The following BUB3 variants were observed in gnomAD, a reference collection of about 807,000 sequenced individuals.
BUB3 encodes mitotic checkpoint protein BUB3.
A neutral mutation model predicts 39.9 loss-of-function variants in BUB3; 22 were observed. That is an observed-to-expected ratio of 0.55 (90% CI 0.39 to 0.79). The LOEUF (loss-of-function observed/expected upper bound fraction) is 0.79. Among genes scored for constraint, BUB3 ranks in the 30% least tolerant of loss-of-function variants. The pLI is 0.00. For synonymous variants in BUB3, 168 were observed against 155.1 expected (o/e 1.08, Z -0.62); for missense variants, 303 against 415.4 (o/e 0.73, Z 2.35).
intron 5 of BUB3, among the ~76,000 whole-genome samples, chr10:123,161,401 C>G (rs6599657): frequency 6.6e-6 from 1 of 151,648 alleles, no homozygotes; most frequent in Non-Finnish European, 1.5e-5. Context: ...AAGTTTCCAT[C>G]GAAGATAAAG....
In BUB3 at chr10:123,155,035, C is replaced by G. The variant is rs1307593206; in HGVS notation, c.118C>G (p.Arg40Gly). 7 of 1,614,084 alleles carry G rather than the reference C, an allele frequency of 4.3e-6. No individual in the cohort carries two copies. Among genetic ancestry groups the G allele is most frequent in the Non-Finnish European group, 5.9e-6 (7 of 1,180,056 alleles). The change falls in exon 2 of 8, where the codon CGT becomes GGT. Residue 40 changes from arginine to glycine, a missense_variant. Around this residue, in one of 2 missense-constraint regions of BUB3, gnomAD observed 121 missense variants for 122.3 expected, o/e 0.99. Transcript: ENST00000368865. ...LLVSSWDTSV[R>G]LYDVPANSMR... is the part of the protein sequence containing the mutation. The stretch of plus-strand genomic sequence containing the variant: ...TGTCTCCTCCTGGGACACGTCCGTG[C>G]GTCTCTACGATGTGCCGGCCAACTC...
rs3816136 is a variant in BUB3 at position 123,155,608 on chromosome 10, A to G, written c.196-50A>G. On this transcript the variant is annotated intron_variant, in intron 2 of 7. Transcript: ENST00000368865. ...CTTGCTTGTAGAAATAAGAATGTTGAAACCCTTTCAAAAGTTCTAGTTTTT... is the reference window on the plus strand; with the variant it reads ...CTTGCTTGTAGAAATAAGAATGTTGGAACCCTTTCAAAAGTTCTAGTTTTT... The G allele has an allele frequency of 4.1e-3, 6,285 of 1,521,390 alleles. 236 individuals are homozygous for G. In the Admixed American group the frequency reaches 0.065, roughly 16 times the overall value. 94.2% of individuals were successfully genotyped at this position (1,521,390 alleles called of 1,614,324 possible). A position where few individuals can be genotyped will look rare whatever the true frequency, so the allele number is the denominator to read the frequency against.
At chr10:123,163,778 A>C in intron 7 of BUB3, 42 bp from the exon 8 acceptor site, 1 of 1,567,168 alleles carries the variant, frequency 6.4e-7, no homozygotes, top group Non-Finnish European at 8.8e-7. Context: ...CTGGCTGGCC[A>C]TTTTGATCTC....
rs1217496348 is a variant in BUB3, at chr10:123,168,495, C to T, written c.*4660C>T. 6.6e-6 allele frequency: 1 copy of T among 152,112 alleles called. No individual in the cohort carries two copies. The allele number at this position is 152,112 out of a possible 1,614,324, so 9.4% of individuals were successfully genotyped here. ...ATGGGCCACATGCTGCCCAGGATGGCTTTGAAGGTGGCCCAAAACAAATTC... is the reference window on the plus strand; with the variant it reads ...ATGGGCCACATGCTGCCCAGGATGGTTTTGAAGGTGGCCCAAAACAAATTC... On this transcript the variant is annotated 3_prime_UTR_variant, in exon 8 of 8. Transcript: ENST00000368865.
chr10:123,167,787 G>A lies in BUB3; in HGVS notation c.*3952G>A, dbSNP rs1219748548. 1 of 152,026 alleles carries A rather than the reference G, an allele frequency of 6.6e-6. No individual in the cohort carries two copies. The highest frequency in any genetic ancestry group is 1.5e-5 in the Non-Finnish European group (1 of 68,018). 9.4% of individuals were successfully genotyped at this position (152,026 alleles called of 1,614,324 possible). ...AAAAATTTCTTTATAGCTTCATGGAGGTATTTGATGAAAATTGTATATATT... is the reference window on the plus strand; with the variant it reads ...AAAAATTTCTTTATAGCTTCATGGAAGTATTTGATGAAAATTGTATATATT... On this transcript the variant is annotated 3_prime_UTR_variant, in exon 8 of 8. Coordinates refer to ENST00000368865, the MANE Select transcript of BUB3 (RefSeq NM_004725.4).
In BUB3 at chr10:123,166,130, C is replaced by T. The variant is rs1405691212; in HGVS notation, c.*2295C>T. The T allele has an allele frequency of 6.6e-6, 1 of 152,160 alleles. No individual in the cohort carries two copies. Among genetic ancestry groups the T allele is most frequent in the African/African-American group, 2.4e-5 (1 of 41,424 alleles). The allele number at this position is 152,160 out of a possible 1,614,324, so 9.4% of individuals were successfully genotyped here. ...ACAATTTACTTGTTTATGGTTATAG[C>T]TACCTTTTCCCCAAGTTACCCAGGT... On this transcript the variant is annotated 3_prime_UTR_variant, in exon 8 of 8. Transcript: ENST00000368865.
At position 123,165,044 on chromosome 10, in the gene BUB3, C is replaced by T. The variant is rs765391664; in HGVS notation, c.*1209C>T. 5.6e-6 allele frequency: 9 copies of T among 1,612,180 alleles called. No homozygotes were observed. The Admixed American group carries it at 1.2e-4, about 21-fold the overall frequency. Reference sequence around the variant, plus strand: ...CTTTTGAAATGTATTTTCTTCATTGCAGGTCCACCTAATCATCCTGTGAAA... The same window carrying T: ...CTTTTGAAATGTATTTTCTTCATTGTAGGTCCACCTAATCATCCTGTGAAA... On this transcript the variant is annotated 3_prime_UTR_variant, in exon 8 of 8. Coordinates refer to ENST00000368865, the MANE Select transcript of BUB3 (RefSeq NM_004725.4).
At position 123,163,890 on chromosome 10, in the gene BUB3, C is replaced by T; in HGVS notation, c.*55C>T. ...GATGATAATAAAACAATTCGTACTC[C>T]CCAATGGTGGATTTATTACTATTAA... On this transcript the variant is annotated 3_prime_UTR_variant, in exon 8 of 8. Coordinates refer to ENST00000368865, the MANE Select transcript of BUB3 (RefSeq NM_004725.4). 1 of 1,540,622 alleles carries T rather than the reference C, an allele frequency of 6.5e-7. No homozygotes were observed.
rs779183352 is a variant in BUB3, at chr10:123,170,332, G to A, written c.*6497G>A. The A allele has an allele frequency of 6.6e-6, 1 of 151,658 alleles. No homozygotes were observed. The highest frequency in any genetic ancestry group is 6.6e-5 in the Admixed American group (1 of 15,252). 9.4% of individuals were successfully genotyped at this position (151,658 alleles called of 1,614,324 possible). A position where few individuals can be genotyped will look rare whatever the true frequency, so the allele number is the denominator to read the frequency against. On this transcript the variant is annotated 3_prime_UTR_variant, in exon 8 of 8. Coordinates refer to ENST00000368865, the MANE Select transcript of BUB3 (RefSeq NM_004725.4). ...TCTTAAATGCCAGTATTTTTTTTCTGTTAAAATATTTATGAACTATTTCAA... is the reference window on the plus strand; with the variant it reads ...TCTTAAATGCCAGTATTTTTTTTCTATTAAAATATTTATGAACTATTTCAA...
chr10:123,157,677 A>C, intron 3 of BUB3, 52 bp from the exon 4 acceptor site: 1 of 1,490,676 alleles, frequency 6.7e-7, no homozygotes, highest in South Asian at 1.4e-5. Context: ...AATCTTTAGT[A>C]AAGGTAGTAA....
Position 123,164,165 on chromosome 10 carries a change from A to AAT in BUB3, c.*331_*332dup, listed in dbSNP as rs1844458767. 2 of 1,036,448 alleles carry AAT rather than the reference A, an allele frequency of 1.9e-6. No individual in the cohort carries two copies. The highest frequency in any genetic ancestry group is 3.4e-5 in the African/African-American group (2 of 59,064). The allele number at this position is 1,036,448 out of a possible 1,614,324, so 64.2% of individuals were successfully genotyped here. A position where few individuals can be genotyped will look rare whatever the true frequency, so the allele number is the denominator to read the frequency against. On this transcript the variant is annotated 3_prime_UTR_variant, in exon 8 of 8. Coordinates refer to ENST00000368865, the MANE Select transcript of BUB3 (RefSeq NM_004725.4). ...AATGTTTGTAAATAAGTGTAATAAA[A>AAT]ATCCCTTTGCATTCTTTCTGGACCT...
At position 123,164,926 on chromosome 10, in the gene BUB3, C is replaced by G. The variant is rs989112477; in HGVS notation, c.*1091C>G. The G allele has an allele frequency of 4.1e-6, 6 of 1,462,654 alleles. No homozygotes were observed. In the African/African-American group the frequency reaches 5.7e-5, roughly 14 times the overall value. 90.6% of individuals were successfully genotyped at this position (1,462,654 alleles called of 1,614,324 possible). A position where few individuals can be genotyped will look rare whatever the true frequency, so the allele number is the denominator to read the frequency against. On this transcript the variant is annotated 3_prime_UTR_variant, in exon 8 of 8. Coordinates refer to ENST00000368865, the MANE Select transcript of BUB3 (RefSeq NM_004725.4). ...GGACCTTTCCTGAGATTTATTTTAT[C>G]CGTGATGTATTTTTTTTAATTCTTT...
rs1002580552 is a variant in BUB3, at chr10:123,166,884, G to T, written c.*3049G>T. The T allele has an allele frequency of 7.2e-5, 11 of 152,302 alleles. No individual in the cohort carries two copies. Among genetic ancestry groups the T allele is most frequent in the African/African-American group, 2.6e-4 (11 of 41,550 alleles). The allele number at this position is 152,302 out of a possible 1,614,324, so 9.4% of individuals were successfully genotyped here. ...TGGGAGATCCAGGCCTTGTTAGAAGGACCAAGGCCAGAATGCCCAGTTTAG... is the reference window on the plus strand; with the variant it reads ...TGGGAGATCCAGGCCTTGTTAGAAGTACCAAGGCCAGAATGCCCAGTTTAG... On this transcript the variant is annotated 3_prime_UTR_variant, in exon 8 of 8. Transcript: ENST00000368865.
In BUB3 at chr10:123,155,053, G is replaced by A. The variant is rs868481483; in HGVS notation, c.136G>A (p.Ala46Thr). Residue 46 changes from alanine to threonine, a missense_variant, in exon 2 of 8, where the codon GCC becomes ACC. Physicochemically the swap from Ala to Thr is moderately conservative, Grantham distance 58 (BLOSUM62 0). Transcript: ENST00000368865. ...DTSVRLYDVP[A>T]NSMRLKYQHT... is the part of the protein sequence containing the mutation. The stretch of plus-strand genomic sequence containing the variant: ...GTCCGTGCGTCTCTACGATGTGCCG[G>A]CCAACTCCATGCGGCTCAAGTACCA... 1 of 1,614,144 alleles carries A rather than the reference G, an allele frequency of 6.2e-7. No individual in the cohort carries two copies. The highest frequency in any genetic ancestry group is 8.5e-7 in the Non-Finnish European group (1 of 1,180,024).
At chr10:123,161,687 A>G (rs1186848817) in intron 5 of BUB3, among the ~76,000 whole-genome samples, 11 of 152,236 alleles carry the variant, frequency 7.2e-5, no homozygotes, top group Admixed American at 2.0e-4. Flanking sequence ...TTTCAACGAA[A>G]GATGAAAAAA....
Position 123,164,716 on chromosome 10 carries a change from C to T in BUB3, c.*881C>T. ...AGTTCTTATGTCCATTTCAGTTGAC[C>T]AGCCGCTGGTGATTAAAGTTAAAAA... On this transcript the variant is annotated 3_prime_UTR_variant, in exon 8 of 8. Transcript: ENST00000368865. The T allele has an allele frequency of 1.9e-6, 2 of 1,058,116 alleles. No individual in the cohort carries two copies. Among genetic ancestry groups the T allele is most frequent in the Non-Finnish European group, 1.1e-6 (1 of 876,728 alleles). 65.5% of individuals were successfully genotyped at this position (1,058,116 alleles called of 1,614,324 possible). A position where few individuals can be genotyped will look rare whatever the true frequency, so the allele number is the denominator to read the frequency against.
At position 123,165,279 on chromosome 10, in the gene BUB3, G is replaced by T. The variant is rs768038353; in HGVS notation, c.*1444G>T. 6.1e-6 allele frequency: 3 copies of T among 491,252 alleles called. No individual in the cohort carries two copies. Among genetic ancestry groups the T allele is most frequent in the Non-Finnish European group, 1.1e-5 (3 of 278,178 alleles). 30.4% of individuals were successfully genotyped at this position (491,252 alleles called of 1,614,324 possible). Reference sequence around the variant, plus strand: ...CTTCTGTCCCCTAGTAAGCCCAGTTGCTGTATCTGAACAGTTTGAGCTCTT... The same window carrying T: ...CTTCTGTCCCCTAGTAAGCCCAGTTTCTGTATCTGAACAGTTTGAGCTCTT... On this transcript the variant is annotated 3_prime_UTR_variant, in exon 8 of 8. Coordinates refer to ENST00000368865, the MANE Select transcript of BUB3 (RefSeq NM_004725.4).
chr10:123,163,108 C>T, intron 7 of BUB3: 1 of 354,400 alleles, frequency 2.8e-6, no homozygotes, highest in Non-Finnish European at 5.0e-6. Context: ...TTATTACCAG[C>T]TCATTGCTTC....
rs573712284 is a variant in BUB3 at position 123,165,391 on chromosome 10, A to G, written c.*1556A>G. On this transcript the variant is annotated 3_prime_UTR_variant, in exon 8 of 8. Transcript: ENST00000368865. The stretch of plus-strand genomic sequence containing the variant: ...TGTTGGATGTTTTTGAATGTTGGTA[A>G]TTAATATAATTTACTTAAAAAGGCT... 12 of 225,108 alleles carry G rather than the reference A, an allele frequency of 5.3e-5. No homozygotes were observed. In the South Asian group the frequency reaches 1.4e-3, roughly 25 times the overall value. The allele number at this position is 225,108 out of a possible 1,614,324, so 13.9% of individuals were successfully genotyped here.
Sources: gnomAD v4.1 joint callset for allele counts (sites outside exome capture counted in the v4.1 genomes callset) on GRCh38, gnomAD v4.1.1 for gene constraint, gnomAD v4.1.1 regional missense constraint, MANE v1.5 for transcripts, NCBI Gene and HGNC (gene_info 2026-07-23, HGNC 2026-07-21) for gene names.